The following PSMA1 variants were observed in gnomAD, a reference collection of about 807,000 sequenced individuals.
PSMA1 encodes proteasome subunit alpha type-1.
Under a neutral mutation model 38.4 loss-of-function variants are expected in PSMA1, and 3 were observed. The ratio of observed to expected loss-of-function variants is 0.08; its 90% CI spans 0.04 to 0.20. The LOEUF (loss-of-function observed/expected upper bound fraction) is 0.20. Among genes scored for constraint, PSMA1 ranks in the 10% least tolerant of loss-of-function variants. PSMA1 has a pLI of 1.00. For synonymous variants in PSMA1, 101 were observed against 107.1 expected, an observed-to-expected ratio of 0.94 and a Z score of 0.35; for missense variants, 227 against 325.3, an observed-to-expected ratio of 0.70 and a Z score of 2.32.
chr11:14,584,987 A>C (rs1852328392), intron 2 of PSMA1, among the ~76,000 whole-genome samples: 2 of 152,232 alleles, frequency 1.3e-5, no homozygotes, highest in Non-Finnish European at 2.9e-5. Context: ...CCTCAGAGTA[A>C]GATTTTAAAA....
intron 2 of PSMA1, among the ~76,000 whole-genome samples, chr11:14,568,447 T>C (rs1461273354): frequency 1.3e-5 from 2 of 152,226 alleles, no homozygotes; most frequent in African/African-American, 4.8e-5. Flanking sequence ...TGTGCCACAT[T>C]TGCCCTCATT....
chr11:14,553,623 C>T (rs912461603), intron 2 of PSMA1, among the ~76,000 whole-genome samples: 3 of 151,802 alleles, frequency 2.0e-5, no homozygotes. Flanking sequence ...TTTCTTGAGA[C>T]TCATACAAAT....
intron 2 of PSMA1, among the ~76,000 whole-genome samples, chr11:14,569,861 T>C (rs1401536985): frequency 6.6e-6 from 1 of 152,222 alleles, no homozygotes; most frequent in Non-Finnish European, 1.5e-5. Flanking sequence ...AAGAGAGTAG[T>C]GGTTCTCCCA....
chr11:14,529,759 G>T (rs1851625824), intron 2 of PSMA1, among the ~76,000 whole-genome samples: 2 of 152,090 alleles, frequency 1.3e-5, no homozygotes, highest in African/African-American at 2.4e-5. Flanking sequence ...ATTTCATCTG[G>T]CTATCAGCTC....
At chr11:14,623,687 GT>G (rs1852877006) in intron 1 of PSMA1, among the ~76,000 whole-genome samples, 1 of 152,158 alleles carries the variant, frequency 6.6e-6, no homozygotes, top group African/African-American at 2.4e-5. Flanking sequence ...GCCAGTCTTT[GT>G]TGTTGGCTAC....
intron 2 of PSMA1, among the ~76,000 whole-genome samples, chr11:14,591,582 T>C (rs10832283): frequency 0.58 from 88,821 of 151,998 alleles, 26,204 homozygotes; most frequent in Middle Eastern, 0.67. Context: ...ATTGTAAACA[T>C]ACCAATCAGC....
rs149043426 is a variant in PSMA1, at chr11:14,599,358, G to A, written c.21+11608C>T. Among the ~76,000 whole-genome samples the A allele has an allele frequency of 8.2e-3, 1,244 of 152,244 alleles. 8 individuals are homozygous for A. The highest frequency in any genetic ancestry group is 0.02 in the Middle Eastern group (6 of 294). ...TTTCCAACTTGGCTCCATTCTCCCCGTCACTTTCAAGTACACCAATCAGAC... is the reference window on the plus strand; with the variant it reads ...TTTCCAACTTGGCTCCATTCTCCCCATCACTTTCAAGTACACCAATCAGAC... On this transcript the variant is annotated intron_variant, in intron 2 of 10. Coordinates refer to the PSMA1 transcript ENST00000418988.
intron 2 of PSMA1, among the ~76,000 whole-genome samples, chr11:14,567,946 G>T (rs1417618628): frequency 3.3e-5 from 5 of 152,130 alleles, no homozygotes; most frequent in Non-Finnish European, 7.3e-5. Flanking sequence ...TAGGCTGTGA[G>T]TTCAGTGTTA....
chr11:14,575,764 G>A lies in PSMA1; in HGVS notation c.21+35202C>T, dbSNP rs1052600886. Among the ~76,000 whole-genome samples, 19 of 152,124 alleles carry A rather than the reference G, an allele frequency of 1.2e-4. 1 individual carries two copies. Among genetic ancestry groups the A allele is most frequent in the African/African-American group, 4.3e-4 (18 of 41,496 alleles). ...TAGCAGCATGATTTATAATCCTTTG[G>A]GTATATACCCAGTAATGGGATTGCT... On this transcript the variant is annotated intron_variant, in intron 2 of 10. Transcript: ENST00000418988.
At chr11:14,532,057 T>A (rs1487616508) in intron 2 of PSMA1, among the ~76,000 whole-genome samples, 1 of 152,112 alleles carries the variant, frequency 6.6e-6, no homozygotes, top group Non-Finnish European at 1.5e-5. Context: ...AGACTCTGAC[T>A]AATATAATAC....
At chr11:14,539,714 T>A (rs1851749926) in intron 2 of PSMA1, among the ~76,000 whole-genome samples, 1 of 151,996 alleles carries the variant, frequency 6.6e-6, no homozygotes, top group South Asian at 2.1e-4. Context: ...CCGGGCGTGG[T>A]GGCAGGCGCC....
chr11:14,638,506 C>CCCCTCT (rs1554974706), intron 1 of PSMA1, among the ~76,000 whole-genome samples: 1 of 31,908 alleles, frequency 3.1e-5, no homozygotes, highest in Non-Finnish European at 5.5e-5. Context: ...GAGAAACACA[C>CCCCTCT]CTCTCTCTCT....
rs79827423 is a variant in PSMA1, at chr11:14,515,046, G to A, written c.255-555C>T. 1.8e-3 allele frequency among the ~76,000 whole-genome samples: 278 copies of A among 152,308 alleles called. 2 individuals are homozygous for A. The highest frequency in any genetic ancestry group is 6.2e-3 in the African/African-American group (258 of 41,554). On this transcript the variant is annotated intron_variant, in intron 4 of 9. Transcript: ENST00000396394. ...GTTAAATCTGATGAAATTCAAGCAAGGTTAACATTGGGGAGAAGAGAATTT... is the reference window on the plus strand; with the variant it reads ...GTTAAATCTGATGAAATTCAAGCAAAGTTAACATTGGGGAGAAGAGAATTT...
intron 8 of PSMA1, among the ~76,000 whole-genome samples, chr11:14,509,494 G>GTT (rs767257317): frequency 5.0e-5 from 7 of 139,162 alleles, no homozygotes; most frequent in Admixed American, 2.2e-4. Flanking sequence ...CCTACAATCT[G>GTT]TTTTTTTTTT....
chr11:14,573,130 A>G (rs1405098504), intron 2 of PSMA1, among the ~76,000 whole-genome samples: 1 of 152,218 alleles, frequency 6.6e-6, no homozygotes, highest in Admixed American at 6.5e-5. Flanking sequence ...ATTCCAATCA[A>G]CAGAAAAAGA....
intron 1 of PSMA1, among the ~76,000 whole-genome samples, chr11:14,614,010 T>C (rs541286398): frequency 1.3e-5 from 2 of 152,332 alleles, no homozygotes; most frequent in African/African-American, 2.4e-5. Flanking sequence ...AGAAAAGAAC[T>C]CTGCTTGTCA....
At chr11:14,602,251 C>T (rs1445421003) in intron 2 of PSMA1, among the ~76,000 whole-genome samples, 1 of 152,114 alleles carries the variant, frequency 6.6e-6, no homozygotes. Context: ...AACTAGACAC[C>T]TGGGCAAAAC....
At chr11:14,536,159 A>C (rs1438671863) in intron 2 of PSMA1, among the ~76,000 whole-genome samples, 1 of 152,170 alleles carries the variant, frequency 6.6e-6, no homozygotes, top group African/African-American at 2.4e-5. Flanking sequence ...TCACCTTACT[A>C]TATACTAAGC....
chr11:14,575,946 A>G (rs947345755), intron 2 of PSMA1, among the ~76,000 whole-genome samples: 8 of 152,088 alleles, frequency 5.3e-5, no homozygotes, highest in African/African-American at 1.9e-4. Flanking sequence ...TTTAATGATC[A>G]CCATTCTAAC....
Sources: gnomAD v4.1 joint callset for allele counts (sites outside exome capture counted in the v4.1 genomes callset) on GRCh38, gnomAD v4.1.1 for gene constraint, MANE v1.5 for transcripts, NCBI Gene and HGNC (gene_info 2026-07-23, HGNC 2026-07-21) for gene names.